EVC2: variants seen among roughly 807,000 people sequenced by gnomAD.
EVC2 encodes limbin.
EVC2 carries 148 observed loss-of-function variants against 149.3 expected under a neutral mutation model. That is an observed-to-expected ratio of 0.99 (90% CI 0.87 to 1.14). The LOEUF is 1.14. EVC2 is among the 50% of genes most tolerant of loss of function. The probability of loss-of-function intolerance (pLI) is 0.00; values close to 1 mark genes in which losing one functional copy is unlikely to be tolerated. For missense variants in EVC2, 1,854 were observed against 1,627.3 expected (o/e 1.14, Z -2.40); for synonymous variants, 776 against 649.9 (o/e 1.19, Z -2.95).
intron 1 of EVC2, among the ~76,000 whole-genome samples, chr4:5,705,610 A>AT (rs1382845243): frequency 2.0e-5 from 3 of 152,144 alleles, no homozygotes; most frequent in Non-Finnish European, 2.9e-5. Flanking sequence ...GAAGAATGGC[A>AT]TTTTTTTACA....
In EVC2 at chr4:5,636,170, G is replaced by A. The variant is rs1723934516; in HGVS notation, c.1471-4138C>T. On this transcript the variant is annotated intron_variant, in intron 10 of 21. Coordinates refer to ENST00000344408, the MANE Select transcript of EVC2 (RefSeq NM_147127.5). The surrounding 1 kb of genome is among the most constrained non-coding windows in gnomAD (Gnocchi z 4.6). ...GAGACCCAGGGTGACTGGGTAACGT[G>A]CCTACTGGAGGAAAAGAGGGAGGAA... is the stretch of plus-strand genomic sequence containing the variant. Among the ~76,000 whole-genome samples, 1 of 152,202 alleles carries A rather than the reference G, an allele frequency of 6.6e-6. No individual in the cohort carries two copies. The highest frequency in any genetic ancestry group is 1.5e-5 in the Non-Finnish European group (1 of 68,040).
rs1048215684 is a variant in EVC2, at chr4:5,700,415, C to T, written c.229-2768G>A. ...CCTCTGTCCCCTGGAACTTTCTATC[C>T]ATTCTTTCAACCAGCACCTGCTGCT... On this transcript the variant is annotated intron_variant, in intron 1 of 21. Coordinates refer to ENST00000344408, the MANE Select transcript of EVC2 (RefSeq NM_147127.5). Among the ~76,000 whole-genome samples the T allele has an allele frequency of 5.1e-4, 77 of 152,164 alleles. 1 individual carries two copies. The highest frequency in any genetic ancestry group is 1.7e-3 in the African/African-American group (71 of 41,438).
At chr4:5,681,204 G>T (rs1720316403) in intron 7 of EVC2, 56 bp downstream of exon 7, 8 of 1,601,358 alleles carry the variant, frequency 5.0e-6, no homozygotes, top group Admixed American at 1.7e-5. Context: ...GGACAGGCAG[G>T]ACCCACACAG....
At chr4:5,683,983 T>C (rs1720526543) in intron 6 of EVC2, among the ~76,000 whole-genome samples, 1 of 151,836 alleles carries the variant, frequency 6.6e-6, no homozygotes, top group African/African-American at 2.4e-5. Flanking sequence ...CTGAGGCTCC[T>C]GCCTGAGGAC....
chr4:5,666,667 A>C (rs1433257834), intron 7 of EVC2, among the ~76,000 whole-genome samples: 2 of 152,096 alleles, frequency 1.3e-5, no homozygotes, highest in Non-Finnish European at 2.9e-5. Flanking sequence ...GCTACTTTCT[A>C]GGTTTTCTGG....
At chr4:5,626,519 A>G (rs990517985) in intron 12 of EVC2, among the ~76,000 whole-genome samples, 1 of 151,964 alleles carries the variant, frequency 6.6e-6, no homozygotes, top group East Asian at 1.9e-4. Context: ...TATTTTTAGT[A>G]GAGACGGGGT....
chr4:5,682,348 GGT>G (rs1313435141), intron 6 of EVC2, among the ~76,000 whole-genome samples: 1 of 151,496 alleles, frequency 6.6e-6, no homozygotes, highest in Non-Finnish European at 1.5e-5. Context: ...AAATTAGCTG[GGT>G]GTGGTGGCGG....
chr4:5,627,142 C>G (rs1398068744), intron 12 of EVC2, among the ~76,000 whole-genome samples: 1 of 152,170 alleles, frequency 6.6e-6, no homozygotes, highest in African/African-American at 2.4e-5. Flanking sequence ...ACTATCATTC[C>G]TAGACTGCCT....
At chr4:5,706,345 G>GATAGATAA (rs1722144532) in intron 1 of EVC2, among the ~76,000 whole-genome samples, 1 of 93,694 alleles carries the variant, frequency 1.1e-5, no homozygotes, top group African/African-American at 4.4e-5. Context: ...TAGATACATA[G>GATAGATAA]ATAGATAGAC....
chr4:5,656,811 G>C (rs1330870625), intron 9 of EVC2, among the ~76,000 whole-genome samples: 1 of 152,174 alleles, frequency 6.6e-6, no homozygotes, highest in Admixed American at 6.5e-5. Flanking sequence ...TCTGTTGCAT[G>C]AAACCACCAA....
chr4:5,592,520 T>C (rs1341327469), intron 16 of EVC2, among the ~76,000 whole-genome samples: 1 of 152,144 alleles, frequency 6.6e-6, no homozygotes, highest in Non-Finnish European at 1.5e-5. Context: ...GGTCAAGTGG[T>C]TGTTAACTGC....
chr4:5,687,364 C>A (rs1160401733), intron 5 of EVC2, among the ~76,000 whole-genome samples: 1 of 152,228 alleles, frequency 6.6e-6, no homozygotes, highest in East Asian at 1.9e-4. Flanking sequence ...ACTGCTTTAA[C>A]TCCCTTACCC....
At chr4:5,542,943 T>G in intron 22 of EVC2, 6 of 353,764 alleles carry the variant, frequency 1.7e-5, no homozygotes, top group South Asian at 1.3e-4. Context: ...AACCAATGAT[T>G]TTCTCTGCCC....
downstream of EVC2, among the ~76,000 whole-genome samples, chr4:5,539,944 C>T (rs1470352527): frequency 2.0e-5 from 3 of 152,162 alleles, no homozygotes; most frequent in Non-Finnish European, 4.4e-5. Flanking sequence ...AAAAGACAAA[C>T]TGCAGAATTG....
At chr4:5,688,274 C>T (rs937892776) in intron 5 of EVC2, among the ~76,000 whole-genome samples, 3 of 152,052 alleles carry the variant, frequency 2.0e-5, no homozygotes, top group Non-Finnish European at 4.4e-5. Context: ...GACTGATGAG[C>T]GATGTGTGCC....
intron 16 of EVC2, among the ~76,000 whole-genome samples, chr4:5,594,086 G>A (rs1713127457): frequency 6.6e-6 from 1 of 152,152 alleles, no homozygotes; most frequent in South Asian, 2.1e-4. Context: ...ACTGGGTGGA[G>A]CCCACCACAG....
intron 5 of EVC2, among the ~76,000 whole-genome samples, chr4:5,687,460 G>A (rs943434893): frequency 4.6e-5 from 7 of 152,072 alleles, no homozygotes; most frequent in African/African-American, 1.7e-4. Context: ...GTGTGCACGT[G>A]CTAGAGCAGA....
intron 5 of EVC2, among the ~76,000 whole-genome samples, chr4:5,687,264 A>G (rs909666002): frequency 1.3e-5 from 2 of 152,032 alleles, no homozygotes; most frequent in African/African-American, 4.8e-5. Context: ...TCTCAAAAAA[A>G]AAGAAAAGAA....
chr4:5,620,093 A>G (rs12640355), intron 14 of EVC2, among the ~76,000 whole-genome samples: 31,987 of 152,014 alleles, frequency 0.21, 4,354 homozygotes, highest in East Asian at 0.6. Flanking sequence ...TGCTGACAAC[A>G]CTCTGAGGCC....
Sources: gnomAD v4.1 joint callset for allele counts (sites outside exome capture counted in the v4.1 genomes callset) on GRCh38, gnomAD v4.1.1 for gene constraint, Gnocchi (gnomAD v3.1) non-coding constraint, MANE v1.5 for transcripts, NCBI Gene and HGNC (gene_info 2026-07-23, HGNC 2026-07-21) for gene names.